ARFGAP3: variants seen among roughly 807,000 people sequenced by gnomAD.
ARFGAP3 encodes the protein ARF GTPase activating protein 3, also known as ADP-ribosylation factor GTPase-activating protein 3.
In ARFGAP3, 72 loss-of-function variants were observed where a neutral mutation model predicts 75.0. The ratio of observed to expected loss-of-function variants is 0.96; its 90% confidence interval spans 0.79 to 1.17. The LOEUF is 1.17. ARFGAP3 is among the 50% of genes most tolerant of loss of function. The pLI is 0.00. For synonymous variants in ARFGAP3, 221 were observed against 217.9 expected (o/e 1.01, Z -0.13); for missense variants, 620 against 626.6 (o/e 0.99, Z 0.11).
At chr22:42,808,985 A>T (rs1925248749) in intron 12 of ARFGAP3, 95 bp from the exon 13 acceptor site, 1 of 1,314,852 alleles carries the variant, frequency 7.6e-7, no homozygotes, top group African/African-American at 1.5e-5. Context: ...CAACAGCAGT[A>T]AATTTTGTAA....
chr22:42,826,639 A>G (rs1161359388), intron 7 of ARFGAP3, among the ~76,000 whole-genome samples: 1 of 151,930 alleles, frequency 6.6e-6, no homozygotes, highest in Non-Finnish European at 1.5e-5. Flanking sequence ...GGCTCAAGCG[A>G]TCTGACCACC....
At chr22:42,816,458 CAT>C (rs67438271) in intron 11 of ARFGAP3, among the ~76,000 whole-genome samples, 26,544 of 152,082 alleles carry the variant, frequency 0.17, 3,639 homozygotes, top group East Asian at 0.56. Flanking sequence ...ATCACAGGTT[CAT>C]TTTGTGCCTT....
intron 1 of ARFGAP3, among the ~76,000 whole-genome samples, chr22:42,852,324 G>C (rs1254504721): frequency 6.6e-6 from 1 of 151,708 alleles, no homozygotes; most frequent in Non-Finnish European, 1.5e-5. Context: ...CTCCCAAAGT[G>C]CTGGGATTAC....
chr22:42,821,571 TGGCTGAGTAATA>T (rs1316265126), intron 9 of ARFGAP3, among the ~76,000 whole-genome samples: 2 of 152,272 alleles, frequency 1.3e-5, no homozygotes, highest in Non-Finnish European at 2.9e-5. Flanking sequence ...TTCCTTTTTG[TGGCTGAGTAATA>T]GTCCATTGTA....
At chr22:42,834,373 A>G (rs1926430522) in intron 4 of ARFGAP3, 48 bp from the exon 5 acceptor site, 2 of 1,597,428 alleles carry the variant, frequency 1.3e-6, no homozygotes, top group Admixed American at 3.6e-5. Flanking sequence ...CCGGCCTGTA[A>G]AGGATTTTAT....
intron 6 of ARFGAP3, among the ~76,000 whole-genome samples, chr22:42,830,763 A>G (rs374484935): frequency 8.7e-4 from 133 of 152,324 alleles, no homozygotes; most frequent in African/African-American, 3.0e-3. Flanking sequence ...TTTTAAATTG[A>G]AATTTTGTTT....
At chr22:42,809,931 G>A (rs1357697768) in intron 12 of ARFGAP3, among the ~76,000 whole-genome samples, 1 of 149,266 alleles carries the variant, frequency 6.7e-6, no homozygotes, top group African/African-American at 2.5e-5. Context: ...GTGAACCCAG[G>A]AGGCGGAGCT....
intron 2 of ARFGAP3, among the ~76,000 whole-genome samples, chr22:42,844,979 AG>A (rs1247020656): frequency 1.3e-5 from 2 of 152,202 alleles, no homozygotes; most frequent in African/African-American, 4.8e-5. Flanking sequence ...CTCAGGCTCT[AG>A]GTCACTCCTT....
At position 42,796,642 on chromosome 22, in the gene ARFGAP3, T is replaced by A. The variant is rs1390614813; in HGVS notation, c.*946A>T. ...TGGCTTATCAAATTTCAAATATATT[T>A]TACTGTGCTGAACAATATATTCTAA... On this transcript the variant is annotated 3_prime_UTR_variant, in exon 16 of 16. Transcript: ENST00000263245. 6.6e-6 allele frequency: 1 copy of A among 152,222 alleles called. No homozygotes were observed. Among genetic ancestry groups the A allele is most frequent in the African/African-American group, 2.4e-5 (1 of 41,462 alleles). 9.4% of individuals were successfully genotyped at this position (152,222 alleles called of 1,614,324 possible). A position where few individuals can be genotyped will look rare whatever the true frequency, so the allele number is the denominator to read the frequency against.
intron 10 of ARFGAP3, 71 bp from the exon 11 acceptor site, chr22:42,817,335 T>G: frequency 6.6e-7 from 1 of 1,514,418 alleles, no homozygotes; most frequent in South Asian, 1.3e-5. Context: ...AAACAAAGCT[T>G]TAATTTATGT....
rs115679574 is a variant in ARFGAP3, at chr22:42,811,139, G to A, written c.1065-195C>T. Reference sequence around the variant, plus strand: ...CTTTCAAGTACCTGTGTTCAACCTTGCCCAGTCCTCTCTTCCCAAGCTACA... The same window carrying A: ...CTTTCAAGTACCTGTGTTCAACCTTACCCAGTCCTCTCTTCCCAAGCTACA... On this transcript the variant is annotated intron_variant, in intron 11 of 15. Coordinates refer to ENST00000263245, the MANE Select transcript of ARFGAP3 (RefSeq NM_014570.5). 5.3e-3 allele frequency: 2,021 copies of A among 383,254 alleles called. 50 individuals carry two copies. Among genetic ancestry groups the A allele is most frequent in the African/African-American group, 0.043 (1,954 of 45,592 alleles). 23.7% of individuals were successfully genotyped at this position (383,254 alleles called of 1,614,324 possible).
intron 11 of ARFGAP3, among the ~76,000 whole-genome samples, chr22:42,813,005 A>C (rs1925434917): frequency 6.6e-6 from 1 of 152,248 alleles, no homozygotes; most frequent in Non-Finnish European, 1.5e-5. Context: ...GTTACATCGG[A>C]GGAAGGTTCA....
intron 1 of ARFGAP3, among the ~76,000 whole-genome samples, chr22:42,852,167 A>T (rs1008182333): frequency 6.8e-6 from 1 of 148,076 alleles, no homozygotes; most frequent in Admixed American, 6.8e-5. Flanking sequence ...CAATCCTCCC[A>T]CCTCAGCCTC....
At chr22:42,834,767 T>C (rs1042443782) in intron 4 of ARFGAP3, among the ~76,000 whole-genome samples, 1 of 152,232 alleles carries the variant, frequency 6.6e-6, no homozygotes, top group Non-Finnish European at 1.5e-5. Context: ...TCAGCTGAGG[T>C]AGAACAAGAC....
chr22:42,798,978 C>T, intron 15 of ARFGAP3, 61 bp downstream of exon 15: 2 of 1,401,748 alleles, frequency 1.4e-6, no homozygotes, highest in South Asian at 2.3e-5. Context: ...TGAAGCAGGT[C>T]TCATTTTCAA....
intron 1 of ARFGAP3, among the ~76,000 whole-genome samples, chr22:42,848,232 G>A (rs4822204): frequency 0.36 from 54,309 of 148,820 alleles, 10,815 homozygotes; most frequent in Non-Finnish European, 0.46. Context: ...TTTTTGAGAC[G>A]GAGTCTCGCT....
chr22:42,821,720 G>C (rs773725729), intron 9 of ARFGAP3, among the ~76,000 whole-genome samples: 4 of 152,204 alleles, frequency 2.6e-5, no homozygotes, highest in African/African-American at 4.8e-5. Context: ...TTGCACAGAT[G>C]TAAGTTTTAA....
chr22:42,844,086 C>A (rs1166843445), intron 2 of ARFGAP3, among the ~76,000 whole-genome samples: 1 of 152,148 alleles, frequency 6.6e-6, no homozygotes, highest in African/African-American at 2.4e-5. Flanking sequence ...GTGTGTCTGG[C>A]AGTGGGAGGG....
At position 42,826,995 on chromosome 22, in the gene ARFGAP3, T is replaced by C. The variant is rs1234117029; in HGVS notation, c.570A>G (p.Gly190=). The C allele has an allele frequency of 6.2e-7, 1 of 1,613,352 alleles. No individual in the cohort carries two copies. Among genetic ancestry groups the C allele is most frequent in the Admixed American group, 1.7e-5 (1 of 59,890 alleles). ...CTTCCACACTTGGTCCTTGCTCTTG[T>C]CCACCTGAAAATTCAAAACATTGAT... is the stretch of plus-strand genomic sequence containing the variant. ...VETTLENNEG[G]QEQGPSVEGL... is the part of the protein sequence containing the mutation. The change falls in exon 7 of 16, where the codon GGA becomes GGG. Residue 190 remains glycine (G), a synonymous_variant. Transcript: ENST00000263245.
Sources: gnomAD v4.1 joint callset for allele counts (sites outside exome capture counted in the v4.1 genomes callset) on GRCh38, gnomAD v4.1.1 for gene constraint, MANE v1.5 for transcripts, NCBI Gene and HGNC (gene_info 2026-07-23, HGNC 2026-07-21) for gene names.